CDH23: variants seen among roughly 807,000 people sequenced by gnomAD.
The protein encoded by CDH23 is cadherin-23.
In CDH23, 189 loss-of-function variants were observed where a neutral mutation model predicts 317.1. The ratio of observed to expected loss-of-function variants is 0.60; its 90% CI spans 0.53 to 0.67. The LOEUF (loss-of-function observed/expected upper bound fraction) is 0.67. Among genes scored for constraint, CDH23 ranks in the 30% least tolerant of loss-of-function variants. CDH23 has a pLI of 0.00. For missense variants in CDH23, 4,401 were observed against 4,592.4 expected, an observed-to-expected ratio of 0.96 and a Z score of 1.20; for synonymous variants, 1,839 against 1,876.8, an observed-to-expected ratio of 0.98 and a Z score of 0.52.
At chr10:71,709,783 G>A (rs1488577842) in intron 27 of CDH23, among the ~76,000 whole-genome samples, 3 of 152,138 alleles carry the variant, frequency 2.0e-5, no homozygotes, top group Non-Finnish European at 2.9e-5. Context: ...CTGTTTTCAC[G>A]CTGCTGATAA....
At chr10:71,667,359 A>AGTGTGTGTGTGTGTGTGTGT (rs67337082) in intron 14 of CDH23, among the ~76,000 whole-genome samples, 1 of 112,080 alleles carries the variant, frequency 8.9e-6, no homozygotes, top group African/African-American at 4.0e-5. Flanking sequence ...AGAGAGAGAG[A>AGTGTGTGTGTGTGTGTGTGT]GTGTGTGTGT....
intron 6 of CDH23, among the ~76,000 whole-genome samples, chr10:71,538,771 G>A (rs1180498994): frequency 6.6e-6 from 1 of 152,188 alleles, no homozygotes; most frequent in Non-Finnish European, 1.5e-5. Flanking sequence ...GGTTCTGAAA[G>A]TATACCAGGT....
chr10:71,691,375 G>A (rs1214598726), intron 20 of CDH23, among the ~76,000 whole-genome samples: 3 of 150,802 alleles, frequency 2.0e-5, no homozygotes, highest in Non-Finnish European at 4.4e-5. Context: ...CCAGGTGCTG[G>A]GGTACAGGAA....
In CDH23 at chr10:71,804,724, G is replaced by C. The variant is rs139012224; in HGVS notation, c.7873-1082G>C. 6.3e-3 allele frequency among the ~76,000 whole-genome samples: 962 copies of C among 152,308 alleles called. 13 individuals are homozygous for C. The highest frequency in any genetic ancestry group is 0.022 in the African/African-American group (896 of 41,560). ...AGGATATCTCGAGTGACCCTGCAGG[G>C]ACAGGGCTTACACCTTGCTTCCCAC... On this transcript the variant is annotated intron_variant, in intron 55 of 69. Coordinates refer to ENST00000224721, the MANE Select transcript of CDH23 (RefSeq NM_022124.6).
At position 71,403,450 on chromosome 10, in the gene CDH23, TTCCTTTCCTTCCTTCCTTCC is replaced by T. The variant is rs1482471636; in HGVS notation, c.-6+6134_-6+6153del. 9.1e-3 allele frequency among the ~76,000 whole-genome samples: 494 copies of T among 54,282 alleles called. 48 individuals are homozygous for T. Among genetic ancestry groups the T allele is most frequent in the African/African-American group, 0.068 (446 of 6,544 alleles). 35.6% of individuals were successfully genotyped at this position (54,282 alleles called of 152,430 possible). On this transcript the variant is annotated intron_variant, in intron 1 of 69. Transcript: ENST00000224721. ...CTTCCTTCCTTCCTTCCTTCCTTCC[TTCCTTTCCTTCCTTCCTTCC>T]TTCCTTCCTTCCTTCCTTCCTTCCT... is the stretch of plus-strand genomic sequence containing the variant.
At chr10:71,753,067 C>G (rs57732552) in intron 38 of CDH23, 35,427 of 1,573,646 alleles carry the variant, frequency 0.023, 1,587 homozygotes, top group African/African-American at 0.18. Flanking sequence ...ACATCCCTGC[C>G]CCTGCTGGCA....
chr10:71,789,155 G>T (rs1317609898), intron 45 of CDH23, 113 bp downstream of exon 45: 2 of 622,554 alleles, frequency 3.2e-6, no homozygotes. Context: ...GACCCCAGTG[G>T]GTGCGGGAGG....
chr10:71,659,409 A>T (rs1459378854), intron 14 of CDH23, among the ~76,000 whole-genome samples: 2 of 152,208 alleles, frequency 1.3e-5, no homozygotes, highest in Non-Finnish European at 2.9e-5. Context: ...CTAGAGCAGC[A>T]GGTGGGTAGG....
chr10:71,562,412 T>C (rs1455876822), intron 6 of CDH23, among the ~76,000 whole-genome samples: 9 of 152,250 alleles, frequency 5.9e-5, no homozygotes. Flanking sequence ...TCCTTGATTC[T>C]TCTCCCCATT....
chr10:71,608,054 T>C (rs1290580293), intron 9 of CDH23, among the ~76,000 whole-genome samples: 1 of 152,210 alleles, frequency 6.6e-6, no homozygotes, highest in African/African-American at 2.4e-5. Context: ...GGAGTTGTTA[T>C]CCACACTTTA....
Position 71,689,203 on chromosome 10 carries a change from T to A in CDH23, c.2060-1265T>A, listed in dbSNP as rs1312371. Among the ~76,000 whole-genome samples the A allele has an allele frequency of 9.4e-4, 41 of 43,708 alleles. 2 individuals are homozygous for A. The highest frequency in any genetic ancestry group is 3.0e-3 in the South Asian group (3 of 986). 28.7% of individuals were successfully genotyped at this position (43,708 alleles called of 152,430 possible). Reference sequence around the variant, plus strand: ...AGAGTCAGGGGTGGTGGAGCCAGGGTTGGTGGAGTCAGGGATGGTGGAGTC... The same window carrying A: ...AGAGTCAGGGGTGGTGGAGCCAGGGATGGTGGAGTCAGGGATGGTGGAGTC... On this transcript the variant is annotated intron_variant, in intron 19 of 69. Transcript: ENST00000224721.
rs1228132046 is a variant in CDH23, at chr10:71,793,377, G to GC, written c.6450dup (p.Thr2151HisfsTer16). On this transcript the variant is annotated frameshift_variant, in exon 48 of 70. Transcript: ENST00000224721. LOFTEE classifies it high-confidence loss of function. Reference sequence around the variant, plus strand: ...CTAACGGTGGTGGCCACCGACCGGGGCACCGTTCCTCTCTCGGGCACAGCC... The same window carrying GC: ...CTAACGGTGGTGGCCACCGACCGGGGCCACCGTTCCTCTCTCGGGCACAGCC... The GC allele has an allele frequency of 1.2e-6, 2 of 1,613,782 alleles. No individual in the cohort carries two copies. The highest frequency in any genetic ancestry group is 2.7e-5 in the African/African-American group (2 of 74,880).
chr10:71,477,314 A>G (rs1314205924), intron 3 of CDH23, among the ~76,000 whole-genome samples: 4 of 152,120 alleles, frequency 2.6e-5, no homozygotes, highest in Admixed American at 2.0e-4. Flanking sequence ...GATTACAGGC[A>G]CCTGCCACCA....
At chr10:71,811,852 G>A in intron 65 of CDH23, 99 bp downstream of exon 65, 1 of 1,586,272 alleles carries the variant, frequency 6.3e-7, no homozygotes, top group Non-Finnish European at 8.6e-7. Flanking sequence ...CCCTTCACTG[G>A]GCCCAGGACC....
chr10:71,623,051 C>A, intron 11 of CDH23: 1 of 681,322 alleles, frequency 1.5e-6, no homozygotes, highest in Non-Finnish European at 1.8e-6. Context: ...TGCCACTGTG[C>A]TAGGTCCTGG....
chr10:71,432,386 A>T (rs1448801205), intron 1 of CDH23, among the ~76,000 whole-genome samples: 3 of 120,440 alleles, frequency 2.5e-5, no homozygotes, highest in Non-Finnish European at 5.2e-5. Context: ...AGAGTGTGTG[A>T]GTTGTGTGGT....
chr10:71,468,887 C>T (rs1406200229), intron 3 of CDH23, among the ~76,000 whole-genome samples: 1 of 152,182 alleles, frequency 6.6e-6, no homozygotes, highest in Non-Finnish European at 1.5e-5. Context: ...AGGACACCCT[C>T]CTCCTCCCTC....
In CDH23 at chr10:71,603,087, G is replaced by A. The variant is rs149865372; in HGVS notation, c.833-12417G>A. Among the ~76,000 whole-genome samples, 460 of 152,192 alleles carry A rather than the reference G, an allele frequency of 3.0e-3. 1 individual carries two copies. The Middle Eastern group carries it at 0.044, about 15-fold the overall frequency. ...CAGTGGTAGATAGGTGGTCTCTGGT[G>A]TCCCCACTTCCCGAGAAGCTTCATC... is the stretch of plus-strand genomic sequence containing the variant. On this transcript the variant is annotated intron_variant, in intron 9 of 69. Coordinates refer to ENST00000224721, the MANE Select transcript of CDH23 (RefSeq NM_022124.6).
At chr10:71,638,542 G>A (rs961000848) in intron 11 of CDH23, among the ~76,000 whole-genome samples, 1 of 152,210 alleles carries the variant, frequency 6.6e-6, no homozygotes, top group African/African-American at 2.4e-5. Flanking sequence ...AATGACCAAG[G>A]GAAGCCATGC....
Sources: gnomAD v4.1 joint callset for allele counts (sites outside exome capture counted in the v4.1 genomes callset) on GRCh38, gnomAD v4.1.1 for gene constraint, MANE v1.5 for transcripts, NCBI Gene and HGNC (gene_info 2026-07-23, HGNC 2026-07-21) for gene names.